HMGA2: variants seen among roughly 807,000 people sequenced by gnomAD.
HMGA2 encodes high mobility group protein HMGI-C.
Under a neutral mutation model 19.1 loss-of-function variants are expected in HMGA2, and 8 were observed. The ratio of observed to expected loss-of-function variants is 0.42; its 90% CI spans 0.25 to 0.76. The LOEUF (loss-of-function observed/expected upper bound fraction) is 0.76, where lower values mean the gene tolerates loss of function less well. Ranked by LOEUF, HMGA2 falls within the 30% of genes least tolerant of loss-of-function variation. HMGA2 has a pLI of 0.28. For synonymous variants in HMGA2, 60 were observed against 48.8 expected (o/e 1.23, Z -0.96); for missense variants, 109 against 136.3 (o/e 0.80, Z 1.00).
intron 3 of HMGA2, among the ~76,000 whole-genome samples, chr12:65,860,319 G>A (rs1017448453): frequency 1.3e-5 from 2 of 152,140 alleles, no homozygotes; most frequent in Non-Finnish European, 2.9e-5. Flanking sequence ...GTAACTTACT[G>A]AATACTGTAC....
chr12:65,949,551 G>A (rs1333133019), intron 3 of HMGA2, among the ~76,000 whole-genome samples: 1 of 152,176 alleles, frequency 6.6e-6, no homozygotes. Context: ...TGAGAGTGAG[G>A]ACTGGAAGCA....
At chr12:65,927,949 GTA>G (rs10581504) in intron 3 of HMGA2, among the ~76,000 whole-genome samples, 16,473 of 146,334 alleles carry the variant, frequency 0.11, 1,225 homozygotes, top group Non-Finnish European at 0.16. Context: ...ATGTATGTGA[GTA>G]TATATATATA....
intron 3 of HMGA2, among the ~76,000 whole-genome samples, chr12:65,886,706 G>C (rs912051557): frequency 1.3e-5 from 2 of 152,148 alleles, no homozygotes; most frequent in Non-Finnish European, 2.9e-5. Flanking sequence ...TGAGAAGGAC[G>C]TGAGCTAAAA....
intron 3 of HMGA2, among the ~76,000 whole-genome samples, chr12:65,920,914 T>C (rs1172299695): frequency 3.3e-5 from 5 of 152,102 alleles, no homozygotes; most frequent in East Asian, 1.9e-4. Flanking sequence ...CAAGCAGAGA[T>C]TGGAACAGTT....
Position 65,909,758 on chromosome 12 carries a change from T to C in HMGA2, c.250-41625T>C, listed in dbSNP as rs529839877. Among the ~76,000 whole-genome samples, 9 of 152,336 alleles carry C rather than the reference T, an allele frequency of 5.9e-5. No individual in the cohort carries two copies. The East Asian group carries it at 1.7e-3, about 29-fold the overall frequency. ...ATCCACGGGCATGAATATGGAGATA[T>C]AACCTCATCTCTGTAAATCCATTGA... is the stretch of plus-strand genomic sequence containing the variant. On this transcript the variant is annotated intron_variant, in intron 3 of 4. Transcript: ENST00000403681.
intron 3 of HMGA2, among the ~76,000 whole-genome samples, chr12:65,929,026 A>C (rs1354806370): frequency 6.6e-6 from 1 of 152,194 alleles, no homozygotes; most frequent in Non-Finnish European, 1.5e-5. Context: ...TTACCATTTT[A>C]AGAATTGGTC....
intron 3 of HMGA2, among the ~76,000 whole-genome samples, chr12:65,864,591 T>C (rs1368147475): frequency 2.0e-5 from 3 of 152,158 alleles, no homozygotes; most frequent in Non-Finnish European, 4.4e-5. Flanking sequence ...TACAGGGAAA[T>C]ATTTAACATA....
chr12:65,897,724 C>T (rs1406820890), intron 3 of HMGA2, among the ~76,000 whole-genome samples: 1 of 152,174 alleles, frequency 6.6e-6, no homozygotes, highest in Non-Finnish European at 1.5e-5. Flanking sequence ...CTGTGGGAGG[C>T]CAAGGCAGGC....
At chr12:65,851,565 C>A in intron 3 of HMGA2, 1 of 376,302 alleles carries the variant, frequency 2.7e-6, no homozygotes, top group East Asian at 9.8e-5. Context: ...TGGCGGGCAC[C>A]TGTAATTCCA....
At chr12:65,897,748 T>G (rs375256833) in intron 3 of HMGA2, among the ~76,000 whole-genome samples, 25 of 152,156 alleles carry the variant, frequency 1.6e-4, no homozygotes, top group African/African-American at 5.8e-4. Context: ...TCACCTGAGG[T>G]CAGGTGTTTG....
intron 3 of HMGA2, among the ~76,000 whole-genome samples, chr12:65,898,190 C>G (rs1287924201): frequency 2.6e-5 from 4 of 152,154 alleles, no homozygotes; most frequent in Non-Finnish European, 5.9e-5. Context: ...GCCCCCAAAT[C>G]CCTACCTCAA....
At chr12:65,828,378 G>T (rs1870321276) in intron 2 of HMGA2, 1 of 272,388 alleles carries the variant, frequency 3.7e-6, no homozygotes, top group Non-Finnish European at 6.7e-6. Context: ...GTTGCGGGGG[G>T]GGCGGGATGA....
chr12:65,871,359 A>G (rs967908130), intron 3 of HMGA2, among the ~76,000 whole-genome samples: 17 of 152,160 alleles, frequency 1.1e-4, no homozygotes, highest in African/African-American at 3.9e-4. Context: ...CAAAGCCTGA[A>G]TTATTTACTC....
chr12:65,832,641 A>G (rs761168996), intron 2 of HMGA2, among the ~76,000 whole-genome samples: 24 of 152,088 alleles, frequency 1.6e-4, no homozygotes, highest in Non-Finnish European at 2.8e-4. Context: ...AATTTCACTG[A>G]TTCTGAAGGT....
At chr12:65,917,246 T>A (rs1022975191) in intron 3 of HMGA2, among the ~76,000 whole-genome samples, 12 of 151,808 alleles carry the variant, frequency 7.9e-5, no homozygotes, top group Admixed American at 2.6e-4. Context: ...ATCTGAGGAG[T>A]CCCAGGGCCT....
intron 3 of HMGA2, among the ~76,000 whole-genome samples, chr12:65,854,345 T>C (rs948390702): frequency 2.0e-5 from 3 of 152,216 alleles, no homozygotes; most frequent in Non-Finnish European, 4.4e-5. Flanking sequence ...ATTAGCCCCC[T>C]TTTCTTTCAG....
intron 3 of HMGA2, among the ~76,000 whole-genome samples, chr12:65,901,224 T>C (rs1037233576): frequency 6.6e-6 from 1 of 152,230 alleles, no homozygotes; most frequent in Non-Finnish European, 1.5e-5. Context: ...ATTTTAATAA[T>C]GCAGGTTAAA....
chr12:65,910,516 T>C (rs1874799082), intron 3 of HMGA2, among the ~76,000 whole-genome samples: 1 of 152,196 alleles, frequency 6.6e-6, no homozygotes, highest in Non-Finnish European at 1.5e-5. Context: ...GAGTAAGATG[T>C]TCTGTATCTT....
In HMGA2 at chr12:65,914,484, G is replaced by A. The variant is rs571131076; in HGVS notation, c.250-36899G>A. On this transcript the variant is annotated intron_variant, in intron 3 of 4. Transcript: ENST00000403681. ...CAGGAAGGGGAATATCACACTCTGG[G>A]GACTGTTGTGGGGTGGGGGGAGGGG... 1.6e-4 allele frequency among the ~76,000 whole-genome samples: 20 copies of A among 126,438 alleles called. 1 individual carries two copies. In the South Asian group the frequency reaches 5.6e-3, roughly 36 times the overall value. The allele number at this position is 126,438 out of a possible 152,430, so 82.9% of individuals were successfully genotyped here. A position where few individuals can be genotyped will look rare whatever the true frequency, so the allele number is the denominator to read the frequency against.
Sources: allele counts gnomAD v4.1 joint callset (sites outside exome capture counted in the v4.1 genomes callset), GRCh38; gene constraint gnomAD v4.1.1; transcripts MANE v1.5; gene names NCBI Gene and HGNC (gene_info 2026-07-23, HGNC 2026-07-21).